MGAT5: variants seen among roughly 807,000 people sequenced by gnomAD.
The protein encoded by MGAT5 is alpha-1,6-mannosylglycoprotein 6-beta-N-acetylglucosaminyltransferase.
Under a neutral mutation model 94.3 loss-of-function variants are expected in MGAT5, and 30 were observed. The observed-to-expected ratio is 0.32, with a 90% CI of 0.24 to 0.43. The LOEUF (loss-of-function observed/expected upper bound fraction) is 0.43. Ranked by LOEUF, MGAT5 falls within the 20% of genes least tolerant of loss-of-function variation. The pLI, the probability that MGAT5 is intolerant of heterozygous loss-of-function variation, is 1.00. For synonymous variants in MGAT5, 310 were observed against 322.9 expected (o/e 0.96, Z 0.43); for missense variants, 691 against 905.5 (o/e 0.76, Z 3.04).
chr2:134,200,818 A>G (rs7608242), intron 1 of MGAT5, among the ~76,000 whole-genome samples: 3,377 of 152,256 alleles, frequency 0.022, 136 homozygotes, highest in African/African-American at 0.076. Flanking sequence ...CAGGCATTCA[A>G]GACCACCCTG....
chr2:134,161,247 G>A (rs546797840), intron 1 of MGAT5, among the ~76,000 whole-genome samples: 3 of 152,352 alleles, frequency 2.0e-5, no homozygotes, highest in South Asian at 2.1e-4. Context: ...AGCAGGACCC[G>A]GGGAAGATCC....
At chr2:134,272,112 G>T (rs1233320436) in intron 2 of MGAT5, among the ~76,000 whole-genome samples, 2 of 152,166 alleles carry the variant, frequency 1.3e-5, no homozygotes, top group African/African-American at 2.4e-5. Flanking sequence ...TTGTTGCAAG[G>T]CTCACAAGGA....
intron 10 of MGAT5, among the ~76,000 whole-genome samples, chr2:134,392,993 G>A (rs1440259798): frequency 4.0e-5 from 6 of 149,256 alleles, no homozygotes; most frequent in African/African-American, 1.3e-4. Context: ...TAAGTGCTGG[G>A]TAGAGCTCTT....
chr2:134,403,703 A>C (rs1683185160), intron 11 of MGAT5, among the ~76,000 whole-genome samples: 1 of 152,188 alleles, frequency 6.6e-6, no homozygotes, highest in South Asian at 2.1e-4. Flanking sequence ...GCCAGACAGG[A>C]GTTAGAGTCA....
At chr2:134,293,985 C>T (rs534105570) in intron 2 of MGAT5, among the ~76,000 whole-genome samples, 1 of 152,126 alleles carries the variant, frequency 6.6e-6, no homozygotes, top group Non-Finnish European at 1.5e-5. Flanking sequence ...CCCCTTTGTT[C>T]GTTGGCTTCC....
At position 134,452,340 on chromosome 2, in the gene MGAT5, A is replaced by C. The variant is rs1686150608; in HGVS notation, c.*3493A>C. 6.6e-6 allele frequency: 1 copy of C among 152,234 alleles called. No homozygotes were observed. Among genetic ancestry groups the C allele is most frequent in the African/African-American group, 2.4e-5 (1 of 41,456 alleles). 9.4% of individuals were successfully genotyped at this position (152,234 alleles called of 1,614,324 possible). On this transcript the variant is annotated 3_prime_UTR_variant, in exon 16 of 16. Coordinates refer to ENST00000281923, the MANE Select transcript of MGAT5 (RefSeq NM_002410.5). Reference sequence around the variant, plus strand: ...GCACTTGCTGAGGTGTGGCTGAGGCAGAATCATGTGAATGGGTGCATCCAA... The same window carrying C: ...GCACTTGCTGAGGTGTGGCTGAGGCCGAATCATGTGAATGGGTGCATCCAA...
rs755229226 is a variant in MGAT5, at chr2:134,254,445, G to A, written c.42G>A (p.Leu14=). 2.5e-6 allele frequency: 4 copies of A among 1,614,220 alleles called. No homozygotes were observed. The highest frequency in any genetic ancestry group is 4.5e-5 in the East Asian group (2 of 44,884). Residue 14 remains leucine (L), a synonymous_variant, in exon 1 of 16, where the codon CTG becomes CTA. Transcript: ENST00000281923. The stretch of plus-strand genomic sequence containing the variant: ...CGTGGAAGTTGTCCTCTCAGAAGCT[G>A]GGCTTTTTCCTGGTGACTTTTGGCT... The part of the protein sequence containing the change: ...FTPWKLSSQK[L]GFFLVTFGFI...
intron 2 of MGAT5, among the ~76,000 whole-genome samples, chr2:134,303,052 A>G (rs2105832019): frequency 6.6e-6 from 1 of 152,078 alleles, no homozygotes; most frequent in East Asian, 1.9e-4. Flanking sequence ...GCATCCGTTT[A>G]CACAAAGGTT....
At position 134,412,882 on chromosome 2, in the gene MGAT5, T is replaced by A; in HGVS notation, c.1544T>A (p.Leu515His). ...TCTGTCTTACAGTTGTTTGTTGGAC[T>A]TGGGTTCCCTTACGAGGGCCCAGCT... ...LLRETKLFVG[L>H]GFPYEGPAPL... The change falls in exon 12 of 16, where the codon CTT (leucine) becomes CAT (histidine). Residue 515 changes from leucine to histidine, a missense_variant. Around this residue, in one of 4 missense-constraint regions of MGAT5, gnomAD observed 260 missense variants for 347.0 expected, o/e 0.75. Transcript: ENST00000281923. 1 of 1,614,106 alleles carries A rather than the reference T, an allele frequency of 6.2e-7. No homozygotes were observed.
intron 1 of MGAT5, among the ~76,000 whole-genome samples, chr2:134,248,324 GGGGGCC>G (rs1682397057): frequency 6.6e-6 from 1 of 152,176 alleles, no homozygotes; most frequent in South Asian, 2.1e-4. Flanking sequence ...TCTTGTCTTT[GGGGGCC>G]TCACAGACCC....
At chr2:134,154,039 C>A (rs1195924370) in intron 1 of MGAT5, among the ~76,000 whole-genome samples, 1 of 152,090 alleles carries the variant, frequency 6.6e-6, no homozygotes. Context: ...CCCAGAGCCC[C>A]GCAAAACAAG....
intron 2 of MGAT5, among the ~76,000 whole-genome samples, chr2:134,304,376 A>G (rs976206937): frequency 3.9e-5 from 6 of 152,142 alleles, no homozygotes; most frequent in African/African-American, 1.2e-4. Flanking sequence ...ATGGGTTTTC[A>G]GGTAGTAATC....
intron 14 of MGAT5, among the ~76,000 whole-genome samples, chr2:134,438,775 A>T (rs571936504): frequency 6.6e-6 from 1 of 152,270 alleles, no homozygotes; most frequent in Non-Finnish European, 1.5e-5. Context: ...CCAGGGCTGT[A>T]TGGGTCCTGG....
intron 1 of MGAT5, among the ~76,000 whole-genome samples, chr2:134,248,735 A>G (rs1008394445): frequency 6.6e-6 from 1 of 152,168 alleles, no homozygotes; most frequent in Admixed American, 6.5e-5. Flanking sequence ...CTGCAGGGCT[A>G]TTTGAAGAGA....
intron 1 of MGAT5, among the ~76,000 whole-genome samples, chr2:134,133,925 T>TA (rs924015038): frequency 2.0e-5 from 3 of 151,832 alleles, no homozygotes; most frequent in South Asian, 2.1e-4. Context: ...AGCCATCCTT[T>TA]AAAAAAAAGA....
At chr2:134,163,904 A>G (rs1328561275) in intron 1 of MGAT5, among the ~76,000 whole-genome samples, 4 of 152,228 alleles carry the variant, frequency 2.6e-5, no homozygotes, top group Admixed American at 6.5e-5. Context: ...ATTGGCAGCC[A>G]TGAAGGCTGG....
At chr2:134,329,324 T>C (rs1432109543) in intron 4 of MGAT5, among the ~76,000 whole-genome samples, 1 of 152,064 alleles carries the variant, frequency 6.6e-6, no homozygotes, top group Non-Finnish European at 1.5e-5. Flanking sequence ...AGCATTTGAG[T>C]ATGTGTAGAA....
At position 134,293,988 on chromosome 2, in the gene MGAT5, T is replaced by C. The variant is rs1350117727; in HGVS notation, c.406+23438T>C. On this transcript the variant is annotated intron_variant, in intron 2 of 15. Transcript: ENST00000281923. ...CAGGTAACTTGCCCCCTTTGTTCGTTGGCTTCCCAGACTCCTCGTAGTTGT... is the reference window on the plus strand; with the variant it reads ...CAGGTAACTTGCCCCCTTTGTTCGTCGGCTTCCCAGACTCCTCGTAGTTGT... 3.3e-5 allele frequency among the ~76,000 whole-genome samples: 5 copies of C among 152,306 alleles called. No individual in the cohort carries two copies. In the East Asian group the frequency reaches 9.6e-4, roughly 29 times the overall value.
At chr2:134,213,393 GTT>G (rs748540629) in intron 1 of MGAT5, among the ~76,000 whole-genome samples, 5 of 136,064 alleles carry the variant, frequency 3.7e-5, no homozygotes, top group Non-Finnish European at 6.1e-5. Flanking sequence ...CAAAAATTCT[GTT>G]TCTCAAAATA....
Sources: gnomAD v4.1 joint callset for allele counts (sites outside exome capture counted in the v4.1 genomes callset) on GRCh38, gnomAD v4.1.1 for gene constraint, gnomAD v4.1.1 regional missense constraint, MANE v1.5 for transcripts, NCBI Gene and HGNC (gene_info 2026-07-23, HGNC 2026-07-21) for gene names.